The following SDK1 variants were observed in gnomAD, a reference collection of about 807,000 sequenced individuals.
SDK1 encodes the protein protein sidekick-1.
In SDK1, 157 loss-of-function variants were observed where a neutral mutation model predicts 245.5. The observed-to-expected ratio is 0.64, with a 90% CI of 0.56 to 0.73. The LOEUF (loss-of-function observed/expected upper bound fraction) is 0.73. SDK1 is among the 30% of genes least tolerant of loss of function. The probability of loss-of-function intolerance (pLI) is 0.00; values close to 1 mark genes in which losing one functional copy is unlikely to be tolerated. For missense variants in SDK1, 3,583 were observed against 3,002.3 expected, an observed-to-expected ratio of 1.19 and a Z score of -4.52; for synonymous variants, 1,647 against 1,278.5, an observed-to-expected ratio of 1.29 and a Z score of -6.15.
chr7:3,305,521 C>G (rs1383713904), intron 1 of SDK1, among the ~76,000 whole-genome samples: 1 of 152,066 alleles, frequency 6.6e-6, no homozygotes, highest in Non-Finnish European at 1.5e-5. Flanking sequence ...ACAAATCTAG[C>G]TTCCTTTTGG....
rs191632781 is a variant in SDK1, at chr7:3,526,724, G to C, written c.299-92356G>C. ...ATCAATCTGTCTCATTTGTGTATCT[G>C]TTCTGTTTCTTTTTCTTTTTTCACA... On this transcript the variant is annotated intron_variant, in intron 1 of 44. Coordinates refer to ENST00000404826, the MANE Select transcript of SDK1 (RefSeq NM_152744.4). 1.8e-4 allele frequency among the ~76,000 whole-genome samples: 27 copies of C among 152,192 alleles called. No individual in the cohort carries two copies. The East Asian group carries it at 4.8e-3, about 27-fold the overall frequency.
At chr7:3,378,243 T>G (rs1378434672) in intron 1 of SDK1, among the ~76,000 whole-genome samples, 1 of 152,154 alleles carries the variant, frequency 6.6e-6, no homozygotes, top group Admixed American at 6.5e-5. Flanking sequence ...TGGTCTCACA[T>G]ATTTTGTGTT....
chr7:3,885,936 G>T (rs781350848), intron 5 of SDK1, among the ~76,000 whole-genome samples: 3 of 152,224 alleles, frequency 2.0e-5, no homozygotes, highest in Non-Finnish European at 4.4e-5. Flanking sequence ...CCTAAGTTGA[G>T]TTCTGAGTTT....
intron 4 of SDK1, among the ~76,000 whole-genome samples, chr7:3,746,617 A>G (rs539610574): frequency 6.6e-6 from 1 of 152,344 alleles, no homozygotes; most frequent in Admixed American, 6.5e-5. Context: ...CTCCACCAGG[A>G]GTAGGTTCCA....
At chr7:4,126,154 A>G (rs1259944512) in intron 25 of SDK1, among the ~76,000 whole-genome samples, 1 of 152,180 alleles carries the variant, frequency 6.6e-6, no homozygotes, top group East Asian at 1.9e-4. Flanking sequence ...CCCAGCTGAG[A>G]GCAGCTCCTC....
intron 1 of SDK1, among the ~76,000 whole-genome samples, chr7:3,593,303 G>T (rs527520366): frequency 6.6e-6 from 1 of 151,928 alleles, no homozygotes; most frequent in Non-Finnish European, 1.5e-5. Flanking sequence ...GGTGTAGGGC[G>T]CATGGAGCAC....
At chr7:3,977,575 G>A (rs576555376) in intron 13 of SDK1, among the ~76,000 whole-genome samples, 5 of 152,344 alleles carry the variant, frequency 3.3e-5, no homozygotes, top group South Asian at 4.1e-4. Context: ...GCTGTCATCC[G>A]TGGGCTTCCC....
At chr7:4,018,482 A>G (rs767763129) in intron 17 of SDK1, among the ~76,000 whole-genome samples, 1 of 152,242 alleles carries the variant, frequency 6.6e-6, no homozygotes, top group Non-Finnish European at 1.5e-5. Context: ...GGACCTGTCC[A>G]TATGCAAGTA....
At chr7:3,392,057 G>A (rs141171356) in intron 1 of SDK1, among the ~76,000 whole-genome samples, 2 of 151,584 alleles carry the variant, frequency 1.3e-5, no homozygotes, top group African/African-American at 4.9e-5. Context: ...AAATGCACCT[G>A]TGTACCACAT....
intron 22 of SDK1, among the ~76,000 whole-genome samples, chr7:4,108,126 C>CT: frequency 6.6e-6 from 1 of 152,256 alleles, no homozygotes; most frequent in South Asian, 2.1e-4. Flanking sequence ...AGTTCATTCT[C>CT]TTTTTGCCCA....
At chr7:3,827,191 C>T (rs1489540844) in intron 5 of SDK1, among the ~76,000 whole-genome samples, 2 of 152,128 alleles carry the variant, frequency 1.3e-5, no homozygotes, top group African/African-American at 2.4e-5. Flanking sequence ...TCAATATGCC[C>T]GGTTTCCCAA....
At chr7:3,948,893 C>CT (rs1383651615) in intron 5 of SDK1, among the ~76,000 whole-genome samples, 1 of 152,222 alleles carries the variant, frequency 6.6e-6, no homozygotes, top group African/African-American at 2.4e-5. Context: ...GTTCAATGAC[C>CT]TTTCAGCATT....
intron 40 of SDK1, among the ~76,000 whole-genome samples, chr7:4,223,762 C>A (rs1785265314): frequency 6.6e-6 from 1 of 152,150 alleles, no homozygotes; most frequent in Admixed American, 6.5e-5. Context: ...CAGTGGGGGG[C>A]AGAGACATAA....
intron 1 of SDK1, among the ~76,000 whole-genome samples, chr7:3,361,130 A>T (rs1184651016): frequency 2.0e-5 from 3 of 152,190 alleles, no homozygotes; most frequent in African/African-American, 7.2e-5. Context: ...AAAAATCTGC[A>T]ATTGATACTG....
intron 1 of SDK1, among the ~76,000 whole-genome samples, chr7:3,440,966 A>G (rs1244653505): frequency 6.6e-6 from 1 of 152,158 alleles, no homozygotes; most frequent in African/African-American, 2.4e-5. Flanking sequence ...AATGAGTTAC[A>G]CCAAGTGAGG....
At chr7:3,780,663 G>A (rs1780702833) in intron 4 of SDK1, among the ~76,000 whole-genome samples, 1 of 152,100 alleles carries the variant, frequency 6.6e-6, no homozygotes, top group Admixed American at 6.5e-5. Flanking sequence ...GAAGCAAAGG[G>A]GCTAGATCAG....
chr7:4,190,670 C>T (rs569174098), intron 35 of SDK1, among the ~76,000 whole-genome samples: 2 of 152,386 alleles, frequency 1.3e-5, no homozygotes, highest in Admixed American at 6.5e-5. Flanking sequence ...GCACTGCTGA[C>T]TGACTGGGAG....
chr7:4,240,459 C>G lies in SDK1; in HGVS notation c.6131-1334C>G, dbSNP rs956218808. ...CCTTTCTGATCTTGGTTTCCACCTG[C>G]TCACCTCCCATCATCCCAAATCCCC... On this transcript the variant is annotated intron_variant, in intron 42 of 44. Transcript: ENST00000404826. 3.3e-5 allele frequency among the ~76,000 whole-genome samples: 5 copies of G among 152,166 alleles called. No individual in the cohort carries two copies. The South Asian group carries it at 1.0e-3, about 32-fold the overall frequency.
chr7:4,199,821 C>G (rs532560211), intron 35 of SDK1, among the ~76,000 whole-genome samples: 1 of 152,318 alleles, frequency 6.6e-6, no homozygotes, highest in African/African-American at 2.4e-5. Flanking sequence ...TCCTCCTCTT[C>G]TGTGTTCTTG....
Sources: gnomAD v4.1 joint callset for allele counts (sites outside exome capture counted in the v4.1 genomes callset) on GRCh38, gnomAD v4.1.1 for gene constraint, MANE v1.5 for transcripts, NCBI Gene and HGNC (gene_info 2026-07-23, HGNC 2026-07-21) for gene names.